Variants in EXT1 observed in about 807,000 individuals in gnomAD.
EXT1 encodes exostosin-1.
In EXT1, 20 loss-of-function variants were observed where a neutral mutation model predicts 82.5. That is an observed-to-expected ratio of 0.24 (90% confidence interval 0.17 to 0.35). The LOEUF is 0.35. Ranked by LOEUF, EXT1 falls within the 10% of genes least tolerant of loss-of-function variation. The probability of loss-of-function intolerance (pLI) is 1.00; values close to 1 mark genes in which losing one functional copy is unlikely to be tolerated. For missense variants in EXT1, 757 were observed against 936.5 expected, an observed-to-expected ratio of 0.81 and a Z score of 2.50; for synonymous variants, 348 against 350.8, an observed-to-expected ratio of 0.99 and a Z score of 0.09.
chr8:118,055,710 C>T (rs893602004), intron 1 of EXT1, among the ~76,000 whole-genome samples: 11 of 152,162 alleles, frequency 7.2e-5, no homozygotes, highest in Non-Finnish European at 1.6e-4. Flanking sequence ...AATAGAGCCT[C>T]CTTCATAGGG....
In EXT1 at chr8:117,879,676, T is replaced by C. The variant is rs113490163; in HGVS notation, c.963-42475A>G. Among the ~76,000 whole-genome samples the C allele has an allele frequency of 1.8e-4, 28 of 152,198 alleles. No homozygotes were observed. In the South Asian group the frequency reaches 2.3e-3, roughly 12 times the overall value. On this transcript the variant is annotated intron_variant, in intron 1 of 10. Coordinates refer to ENST00000378204, the MANE Select transcript of EXT1 (RefSeq NM_000127.3). ...ATCACTGGCCTTTGTTTCAAAAGAG[T>C]GACCAAGCAACTACAAGAACATGCA...
At chr8:117,912,947 C>T (rs17430666) in intron 1 of EXT1, among the ~76,000 whole-genome samples, 43 of 152,228 alleles carry the variant, frequency 2.8e-4, no homozygotes, top group South Asian at 2.3e-3. Flanking sequence ...AATGTGGCCG[C>T]GCACAGTGGC....
chr8:117,954,252 C>T (rs1309667277), intron 1 of EXT1, among the ~76,000 whole-genome samples: 7 of 152,188 alleles, frequency 4.6e-5, no homozygotes, highest in Non-Finnish European at 7.3e-5. Flanking sequence ...GCTATTCTGC[C>T]AGTGAATGAT....
At chr8:118,107,101 C>T (rs1428149238) in intron 1 of EXT1, among the ~76,000 whole-genome samples, 4 of 152,168 alleles carry the variant, frequency 2.6e-5, no homozygotes. Flanking sequence ...TTTATCGACA[C>T]ATAATATTCT....
intron 3 of EXT1, 129 bp downstream of exon 3, chr8:117,835,315 G>A (rs1812170849): frequency 2.7e-6 from 2 of 728,076 alleles, no homozygotes; most frequent in Non-Finnish European, 5.0e-6. Context: ...TATTCACCAT[G>A]ACACAGGTAA....
intron 1 of EXT1, among the ~76,000 whole-genome samples, chr8:117,897,365 C>G (rs925164842): frequency 6.6e-6 from 1 of 152,180 alleles, no homozygotes; most frequent in Non-Finnish European, 1.5e-5. Flanking sequence ...TGCTCTCCCC[C>G]ACGAGTGGAA....
At chr8:117,936,532 G>A (rs909539049) in intron 1 of EXT1, among the ~76,000 whole-genome samples, 10 of 152,160 alleles carry the variant, frequency 6.6e-5, no homozygotes, top group Non-Finnish European at 4.4e-5. Flanking sequence ...CACCACTTGG[G>A]AACTGTCTAT....
intron 1 of EXT1, among the ~76,000 whole-genome samples, chr8:117,999,916 CACT>C (rs1282903723): frequency 1.3e-5 from 2 of 151,932 alleles, no homozygotes; most frequent in Non-Finnish European, 2.9e-5. Context: ...GGAGATTTTT[CACT>C]ACTTATTTCT....
intron 1 of EXT1, among the ~76,000 whole-genome samples, chr8:117,909,986 T>G (rs1489644972): frequency 6.6e-6 from 1 of 152,214 alleles, no homozygotes; most frequent in Non-Finnish European, 1.5e-5. Flanking sequence ...CAAACTGGCC[T>G]TGAACTCCTG....
rs112920531 is a variant in EXT1 at position 117,870,588 on chromosome 8, A to G, written c.963-33387T>C. Among the ~76,000 whole-genome samples, 1,000 of 152,274 alleles carry G rather than the reference A, an allele frequency of 6.6e-3. 15 individuals are homozygous for G. Among genetic ancestry groups the G allele is most frequent in the African/African-American group, 0.022 (929 of 41,544 alleles). ...CTATTTACCCTAGAGTGAATTGTGG[A>G]CACATGGCTCATTCATAATCAGTCC... is the stretch of plus-strand genomic sequence containing the variant. On this transcript the variant is annotated intron_variant, in intron 1 of 10. Transcript: ENST00000378204.
chr8:118,062,989 C>T (rs1299649784), intron 1 of EXT1, among the ~76,000 whole-genome samples: 1 of 152,032 alleles, frequency 6.6e-6, no homozygotes, highest in Non-Finnish European at 1.5e-5. Context: ...ATTAAGGGTG[C>T]AAATCTGGAA....
rs1004915416 is a variant in EXT1, at chr8:118,111,211, C to A, written c.-165G>T. 19 of 948,170 alleles carry A rather than the reference C, an allele frequency of 2.0e-5. No individual in the cohort carries two copies. The highest frequency in any genetic ancestry group is 1.6e-4 in the East Asian group (6 of 38,158). The allele number at this position is 948,170 out of a possible 1,614,324, so 58.7% of individuals were successfully genotyped here. A position where few individuals can be genotyped will look rare whatever the true frequency, so the allele number is the denominator to read the frequency against. The stretch of plus-strand genomic sequence containing the variant: ...TTCCCCAAGCCGTGGACTGATCCAG[C>A]GCATGTGGGCGATTTCTTTAACTTT... On this transcript the variant is annotated 5_prime_UTR_variant, in exon 1 of 11. Transcript: ENST00000378204.
At chr8:118,026,282 C>A (rs953918471) in intron 1 of EXT1, among the ~76,000 whole-genome samples, 3 of 152,140 alleles carry the variant, frequency 2.0e-5, no homozygotes, top group Non-Finnish European at 4.4e-5. Context: ...GAAAACAGCA[C>A]ACATTTATTT....
intron 1 of EXT1, among the ~76,000 whole-genome samples, chr8:117,886,801 G>A (rs745992529): frequency 1.3e-5 from 2 of 152,138 alleles, no homozygotes; most frequent in African/African-American, 2.4e-5. Flanking sequence ...CTATGAAGTG[G>A]TGCTTAAATG....
intron 1 of EXT1, among the ~76,000 whole-genome samples, chr8:117,920,317 T>C (rs1238104563): frequency 6.6e-6 from 1 of 152,102 alleles, no homozygotes; most frequent in East Asian, 1.9e-4. Flanking sequence ...TTGGCCAGGC[T>C]GGTCTCGAAC....
intron 1 of EXT1, among the ~76,000 whole-genome samples, chr8:117,888,426 C>T (rs887816196): frequency 1.3e-5 from 2 of 152,098 alleles, no homozygotes; most frequent in African/African-American, 2.4e-5. Flanking sequence ...CTTGGGAAAT[C>T]GGCTGAATAA....
intron 1 of EXT1, among the ~76,000 whole-genome samples, chr8:118,022,095 T>TCATAAG (rs1241395238): frequency 6.6e-6 from 1 of 152,112 alleles, no homozygotes; most frequent in African/African-American, 2.4e-5. Context: ...GCATTTTCCT[T>TCATAAG]CATTTCAGTA....
intron 1 of EXT1, among the ~76,000 whole-genome samples, chr8:117,877,840 A>G (rs572163585): frequency 5.5e-5 from 8 of 145,702 alleles, no homozygotes; most frequent in African/African-American, 2.3e-4. Flanking sequence ...TTTCTGTTAA[A>G]CAACAAGTTT....
chr8:117,960,148 T>C (rs772754984), intron 1 of EXT1, among the ~76,000 whole-genome samples: 2 of 151,994 alleles, frequency 1.3e-5, no homozygotes, highest in Non-Finnish European at 2.9e-5. Flanking sequence ...GAAGCAGAGG[T>C]TGCAGTGAGC....
Sources: gnomAD v4.1 joint callset for allele counts (sites outside exome capture counted in the v4.1 genomes callset) on GRCh38, gnomAD v4.1.1 for gene constraint, MANE v1.5 for transcripts, NCBI Gene and HGNC (gene_info 2026-07-23, HGNC 2026-07-21) for gene names.